The following STXBP5L variants were observed in gnomAD, a reference collection of about 807,000 sequenced individuals.
STXBP5L encodes syntaxin binding protein 5L, also known as syntaxin-binding protein 5-like.
STXBP5L carries 65 observed loss-of-function variants against 144.5 expected under a neutral mutation model. The observed-to-expected ratio is 0.45, with a 90% CI of 0.37 to 0.55. The LOEUF (loss-of-function observed/expected upper bound fraction) is 0.55. Among genes scored for constraint, STXBP5L ranks in the 20% least tolerant of loss-of-function variants. STXBP5L has a pLI of 0.00. For synonymous variants in STXBP5L, 505 were observed against 469.6 expected, an observed-to-expected ratio of 1.08 and a Z score of -0.97; for missense variants, 1,298 against 1,405.5, an observed-to-expected ratio of 0.92 and a Z score of 1.22.
At chr3:121,351,182 G>T (rs1191978427) in intron 20 of STXBP5L, among the ~76,000 whole-genome samples, 2 of 152,130 alleles carry the variant, frequency 1.3e-5, no homozygotes, top group Non-Finnish European at 2.9e-5. Flanking sequence ...CTAACAGTCA[G>T]GACCCTCAGC....
intron 3 of STXBP5L, among the ~76,000 whole-genome samples, chr3:121,033,738 TA>T (rs916617249): frequency 2.6e-5 from 4 of 151,968 alleles, no homozygotes; most frequent in African/African-American, 7.2e-5. Context: ...GAACTTTTTT[TA>T]ATAATTGAAA....
At chr3:121,127,562 A>T (rs555518621) in intron 7 of STXBP5L, among the ~76,000 whole-genome samples, 34 of 151,474 alleles carry the variant, frequency 2.2e-4, no homozygotes, top group African/African-American at 8.0e-4. Context: ...TCCTCTTTTT[A>T]TAACAACAGG....
intron 18 of STXBP5L, among the ~76,000 whole-genome samples, chr3:121,272,850 A>G (rs2050770475): frequency 6.6e-6 from 1 of 152,098 alleles, no homozygotes; most frequent in Non-Finnish European, 1.5e-5. Flanking sequence ...TCTATTTAGA[A>G]ATGATAACAA....
chr3:121,417,730 G>T (rs186190347), intron 25 of STXBP5L, among the ~76,000 whole-genome samples: 184 of 152,352 alleles, frequency 1.2e-3, no homozygotes, highest in Middle Eastern at 3.4e-3. Flanking sequence ...CTCCCAAAGT[G>T]TTGGGATTAC....
At chr3:121,159,972 G>T (rs973327850) in intron 9 of STXBP5L, among the ~76,000 whole-genome samples, 2 of 152,122 alleles carry the variant, frequency 1.3e-5, no homozygotes, top group African/African-American at 4.8e-5. Flanking sequence ...ACTTGAAATT[G>T]TGTTTTTCAT....
In STXBP5L at chr3:121,264,051, C is replaced by T. The variant is rs527798263; in HGVS notation, c.1958+4883C>T. Among the ~76,000 whole-genome samples the T allele has an allele frequency of 6.6e-5, 10 of 152,272 alleles. 1 individual carries two copies. In the South Asian group the frequency reaches 2.1e-3, roughly 32 times the overall value. ...GAAATGAAGGAAAACATGTTAAGGG[C>T]AGCCAGAGAGAAAGGTCAGGTTACC... On this transcript the variant is annotated intron_variant, in intron 18 of 26. Transcript: ENST00000471454.
At chr3:121,135,192 C>A (rs2045190799) in intron 7 of STXBP5L, among the ~76,000 whole-genome samples, 1 of 152,190 alleles carries the variant, frequency 6.6e-6, no homozygotes, top group African/African-American at 2.4e-5. Flanking sequence ...CTGTTGGCTT[C>A]ATAAATGTCT....
chr3:121,343,116 C>T (rs1040048500), intron 20 of STXBP5L, among the ~76,000 whole-genome samples: 4 of 152,086 alleles, frequency 2.6e-5, no homozygotes, highest in Non-Finnish European at 5.9e-5. Flanking sequence ...AGCATTTTTT[C>T]CTGTGTTTTT....
At chr3:121,341,097 T>G (rs2044692921) in intron 20 of STXBP5L, among the ~76,000 whole-genome samples, 1 of 152,044 alleles carries the variant, frequency 6.6e-6, no homozygotes, top group Admixed American at 6.6e-5. Context: ...AGAAAATATT[T>G]GCAAACTACC....
intron 10 of STXBP5L, among the ~76,000 whole-genome samples, chr3:121,216,790 C>G (rs561465090): frequency 6.6e-6 from 1 of 152,178 alleles, no homozygotes; most frequent in Non-Finnish European, 1.5e-5. Flanking sequence ...CCACAGCCAC[C>G]CCTCCGCCAG....
intron 23 of STXBP5L, among the ~76,000 whole-genome samples, chr3:121,411,836 C>G (rs2047120959): frequency 6.6e-6 from 1 of 152,122 alleles, no homozygotes; most frequent in Non-Finnish European, 1.5e-5. Flanking sequence ...CAACACATCT[C>G]TGTCAGTTTT....
At chr3:121,082,512 C>T (rs895734848) in intron 5 of STXBP5L, among the ~76,000 whole-genome samples, 3 of 152,142 alleles carry the variant, frequency 2.0e-5, no homozygotes, top group African/African-American at 7.2e-5. Flanking sequence ...GGGACCCATT[C>T]CATTGGACCA....
intron 14 of STXBP5L, among the ~76,000 whole-genome samples, chr3:121,242,904 A>G (rs552374671): frequency 1.3e-4 from 20 of 152,192 alleles, no homozygotes; most frequent in Non-Finnish European, 2.2e-4. Flanking sequence ...CCAAAAAGCC[A>G]TTAGGACAAC....
chr3:121,377,394 C>T (rs1400289200), intron 20 of STXBP5L, among the ~76,000 whole-genome samples: 1 of 152,120 alleles, frequency 6.6e-6, no homozygotes, highest in Non-Finnish European at 1.5e-5. Flanking sequence ...TCAGAGTGAA[C>T]AGGCAACATA....
At chr3:121,033,978 G>T (rs1478325830) in intron 3 of STXBP5L, among the ~76,000 whole-genome samples, 1 of 151,926 alleles carries the variant, frequency 6.6e-6, no homozygotes, top group Non-Finnish European at 1.5e-5. Flanking sequence ...TTTAAAAATT[G>T]ATTCTATGCA....
At chr3:121,416,471 TTTTATTTATTTA>T (rs140767929) in intron 25 of STXBP5L, among the ~76,000 whole-genome samples, 41,544 of 137,584 alleles carry the variant, frequency 0.3, 6,929 homozygotes, top group Middle Eastern at 0.47. Context: ...ACTGGTAGAT[TTTTATTTATTTA>T]TTTATTTATT....
In STXBP5L at chr3:120,991,208, C is replaced by T. The variant is rs1313693157; in HGVS notation, c.287+36171C>T. 2.7e-5 allele frequency among the ~76,000 whole-genome samples: 4 copies of T among 150,056 alleles called. No individual in the cohort carries two copies. The East Asian group carries it at 5.9e-4, about 22-fold the overall frequency. ...CACTTCTCAAAAGAAGACATTTATG[C>T]AGCCAAAAGACACATGAAAAAATGC... On this transcript the variant is annotated intron_variant, in intron 3 of 26. Transcript: ENST00000471454.
chr3:121,178,456 A>G (rs1460722380), intron 9 of STXBP5L, among the ~76,000 whole-genome samples: 2 of 152,220 alleles, frequency 1.3e-5, no homozygotes, highest in Non-Finnish European at 2.9e-5. Flanking sequence ...AAATCTTAAT[A>G]AATTTTATAA....
chr3:121,144,910 A>G (rs539729970), intron 7 of STXBP5L, among the ~76,000 whole-genome samples: 2 of 152,124 alleles, frequency 1.3e-5, no homozygotes, highest in African/African-American at 4.8e-5. Flanking sequence ...AGTCATAGAA[A>G]GACAGATTCT....
Sources: allele counts gnomAD v4.1 joint callset (sites outside exome capture counted in the v4.1 genomes callset), GRCh38; gene constraint gnomAD v4.1.1; transcripts MANE v1.5; gene names NCBI Gene and HGNC (gene_info 2026-07-23, HGNC 2026-07-21).